Variants in AFAP1L1 observed in about 807,000 individuals in gnomAD.
AFAP1L1 encodes the protein actin filament associated protein 1 like 1.
A neutral mutation model predicts 99.8 loss-of-function variants in AFAP1L1; 77 were observed. That is an observed-to-expected ratio of 0.77 (90% CI 0.64 to 0.93). The LOEUF is 0.93. Among genes scored for constraint, AFAP1L1 ranks in the 40% least tolerant of loss-of-function variants. The pLI, the probability that AFAP1L1 is intolerant of heterozygous loss-of-function variation, is 0.00. For synonymous variants in AFAP1L1, 373 were observed against 395.3 expected, an observed-to-expected ratio of 0.94 and a Z score of 0.67; for missense variants, 893 against 996.8, an observed-to-expected ratio of 0.90 and a Z score of 1.40.
rs537332788 is a variant in AFAP1L1 at position 149,306,422 on chromosome 5, G to A, written c.535+18G>A. 87 of 1,596,534 alleles carry A rather than the reference G, an allele frequency of 5.4e-5. No individual in the cohort carries two copies. The highest frequency in any genetic ancestry group is 5.3e-4 in the South Asian group (47 of 88,894). Reference sequence around the variant, plus strand: ...GAGCTCCTGTAAGTACCAGGTGGGCGTCCAGATGCTGGGCAGGGCTTCTGC... The same window carrying A: ...GAGCTCCTGTAAGTACCAGGTGGGCATCCAGATGCTGGGCAGGGCTTCTGC... On this transcript the variant is annotated intron_variant, in intron 6 of 18. Coordinates refer to ENST00000296721, the MANE Select transcript of AFAP1L1 (RefSeq NM_152406.4).
At chr5:149,338,587 G>A (rs1159324979) in intron 18 of AFAP1L1, among the ~76,000 whole-genome samples, 1 of 152,196 alleles carries the variant, frequency 6.6e-6, no homozygotes, top group Non-Finnish European at 1.5e-5. Flanking sequence ...ACAAATATTT[G>A]TTGAAGACCT....
chr5:149,307,811 CCTCTCTTT>C lies in AFAP1L1; in HGVS notation c.747+205_747+212del, dbSNP rs1435173902. On this transcript the variant is annotated intron_variant, in intron 7 of 18. Transcript: ENST00000296721. ...TAAACACACACACACACACCCTGTG[CCTCTCTTT>C]CTCTCTCTCTCTCTCTCTCTCTCTC... Among the ~76,000 whole-genome samples the C allele has an allele frequency of 4.3e-4, 9 of 21,118 alleles. No individual in the cohort carries two copies. In the Admixed American group the frequency reaches 4.6e-3, roughly 11 times the overall value. 13.9% of individuals were successfully genotyped at this position (21,118 alleles called of 152,430 possible).
chr5:149,301,195 A>C lies in AFAP1L1; in HGVS notation c.292A>C (p.Ser98Arg). The C allele has an allele frequency of 6.2e-7, 1 of 1,614,076 alleles. No homozygotes were observed. The change falls in exon 4 of 19, where the codon AGC becomes CGC. Residue 98 changes from serine (S) to arginine (R), a missense_variant. By Grantham distance (110) the Ser-to-Arg change is moderately radical. Coordinates refer to ENST00000296721, the MANE Select transcript of AFAP1L1 (RefSeq NM_152406.4). Reference sequence around the variant, plus strand: ...TGATGGGGAGCCCAGCAAAGGAGCCAGCCCTGAGCTAGCCAAGAGCCCACG... The same window carrying C: ...TGATGGGGAGCCCAGCAAAGGAGCCCGCCCTGAGCTAGCCAAGAGCCCACG... ...EDDGEPSKGA[S>R]PELAKSPRLR...
chr5:149,272,040 T>G (rs1755128404), intron 1 of AFAP1L1, 56 bp downstream of exon 1: 1 of 1,213,662 alleles, frequency 8.2e-7, no homozygotes, highest in Non-Finnish European at 1.0e-6. Flanking sequence ...AAAGGGAGAC[T>G]GGACGATCTG....
At chr5:149,277,348 G>T (rs916498948) in intron 1 of AFAP1L1, among the ~76,000 whole-genome samples, 6 of 152,178 alleles carry the variant, frequency 3.9e-5, no homozygotes, top group Non-Finnish European at 8.8e-5. Flanking sequence ...GATGATCTGA[G>T]AATCCATTCT....
At chr5:149,322,447 A>T (rs1381896105) in intron 14 of AFAP1L1, among the ~76,000 whole-genome samples, 159 bp from the exon 15 acceptor site, 1 of 152,220 alleles carries the variant, frequency 6.6e-6, no homozygotes, top group Admixed American at 6.5e-5. Flanking sequence ...TACTGCTAGC[A>T]AAAGTGCTTT....
At chr5:149,290,383 G>A (rs1473462394) in intron 1 of AFAP1L1, among the ~76,000 whole-genome samples, 4 of 152,302 alleles carry the variant, frequency 2.6e-5, no homozygotes, top group East Asian at 3.9e-4. Context: ...CACATGTGTC[G>A]GGGCCTGTTC....
chr5:149,304,841 G>A (rs1314168348), intron 5 of AFAP1L1, among the ~76,000 whole-genome samples: 1 of 152,230 alleles, frequency 6.6e-6, no homozygotes, highest in African/African-American at 2.4e-5. Context: ...CAGTCACTGG[G>A]AATGTCAGTG....
chr5:149,282,411 G>A (rs1376471329), intron 1 of AFAP1L1, among the ~76,000 whole-genome samples: 1 of 152,210 alleles, frequency 6.6e-6, no homozygotes, highest in African/African-American at 2.4e-5. Flanking sequence ...TAAATGAGTA[G>A]TGTAGTGTGG....
Position 149,317,231 on chromosome 5 carries a change from C to T in AFAP1L1, c.1268-498C>T, listed in dbSNP as rs574814464. ...ATTTTGTAATTAGTGAATCAGAGTG[C>T]GTTATGGTAAAAATAGGCAAATTTA... On this transcript the variant is annotated intron_variant, in intron 11 of 18. Transcript: ENST00000296721. Among the ~76,000 whole-genome samples, 24 of 152,176 alleles carry T rather than the reference C, an allele frequency of 1.6e-4. 1 individual carries two copies. The South Asian group carries it at 3.3e-3, about 21-fold the overall frequency.
At chr5:149,300,162 G>C (rs921545060) in intron 2 of AFAP1L1, 109 bp from the exon 3 acceptor site, 1 of 681,566 alleles carries the variant, frequency 1.5e-6, no homozygotes, top group Non-Finnish European at 2.4e-6. Flanking sequence ...ACTTGAATGC[G>C]CTTTGCAAAG....
At position 149,317,873 on chromosome 5, in the gene AFAP1L1, GC is replaced by G; in HGVS notation, c.1413del (p.Phe472LeufsTer59). 1 of 1,603,140 alleles carries G rather than the reference GC, an allele frequency of 6.2e-7. No individual in the cohort carries two copies. ...IALQGCEVAP[G>X]FGPRHPFAFR... ...CTGCAAGGCTGTGAGGTGGCCCCGG[GC>G]TTTGGGCCCCGACACCCATTTGCCT... On this transcript the variant is annotated frameshift_variant, in exon 12 of 19. Coordinates refer to ENST00000296721, the MANE Select transcript of AFAP1L1 (RefSeq NM_152406.4). LOFTEE classifies it high-confidence loss of function.
intron 12 of AFAP1L1, among the ~76,000 whole-genome samples, chr5:149,318,573 G>C (rs892727079): frequency 6.6e-6 from 1 of 152,210 alleles, no homozygotes; most frequent in African/African-American, 2.4e-5. Context: ...TCCAGCACTA[G>C]AATACTATGG....
At chr5:149,318,953 G>A (rs1259446681) in intron 12 of AFAP1L1, among the ~76,000 whole-genome samples, 1 of 152,060 alleles carries the variant, frequency 6.6e-6, no homozygotes, top group Non-Finnish European at 1.5e-5. Flanking sequence ...TATCGCCTCC[G>A]TAACTCACTT....
At chr5:149,283,088 T>G (rs536716578) in intron 1 of AFAP1L1, among the ~76,000 whole-genome samples, 12 of 152,324 alleles carry the variant, frequency 7.9e-5, no homozygotes, top group African/African-American at 2.9e-4. Flanking sequence ...GGAAACCACT[T>G]ACCTAATCCT....
At chr5:149,289,398 G>A (rs571623101) in intron 1 of AFAP1L1, among the ~76,000 whole-genome samples, 1 of 152,150 alleles carries the variant, frequency 6.6e-6, no homozygotes, top group Admixed American at 6.5e-5. Flanking sequence ...CTCACACAGG[G>A]GCTATATTTA....
chr5:149,273,327 A>G (rs891731526), intron 1 of AFAP1L1, among the ~76,000 whole-genome samples: 2 of 151,602 alleles, frequency 1.3e-5, no homozygotes, highest in African/African-American at 4.9e-5. Context: ...CGAAGGGAGG[A>G]AAAAAAGAAG....
rs1450683129 is a variant in AFAP1L1 at position 149,341,115 on chromosome 5, A to C, written c.*1085A>C. 6.6e-6 allele frequency: 1 copy of C among 152,172 alleles called. No individual in the cohort carries two copies. The highest frequency in any genetic ancestry group is 1.5e-5 in the Non-Finnish European group (1 of 68,028). The allele number at this position is 152,172 out of a possible 1,614,324, so 9.4% of individuals were successfully genotyped here. A position where few individuals can be genotyped will look rare whatever the true frequency, so the allele number is the denominator to read the frequency against. ...TCAACACTGTAGTGAGTCTGTCTTT[A>C]ACACATTTCCTTCCAATAAAGATAA... On this transcript the variant is annotated 3_prime_UTR_variant, in exon 19 of 19. Transcript: ENST00000296721.
intron 9 of AFAP1L1, among the ~76,000 whole-genome samples, chr5:149,314,598 CAT>C (rs1273698205): frequency 1.3e-5 from 2 of 152,208 alleles, no homozygotes; most frequent in African/African-American, 4.8e-5. Context: ...TTGCAGAACA[CAT>C]AGAGCCATAA....
Sources: gnomAD v4.1 joint callset for allele counts (sites outside exome capture counted in the v4.1 genomes callset) on GRCh38, gnomAD v4.1.1 for gene constraint, MANE v1.5 for transcripts, NCBI Gene and HGNC (gene_info 2026-07-23, HGNC 2026-07-21) for gene names.